The following TENM3 variants were observed in gnomAD, a reference collection of about 807,000 sequenced individuals.
The protein encoded by TENM3 is teneurin transmembrane protein 3.
TENM3 carries 63 observed loss-of-function variants against 255.1 expected under a neutral mutation model. That is an observed-to-expected ratio of 0.25 (90% CI 0.20 to 0.30). TENM3 has a LOEUF of 0.30. TENM3 is among the 10% of genes least tolerant of loss of function. The probability of loss-of-function intolerance (pLI) is 1.00; values close to 1 mark genes in which losing one functional copy is unlikely to be tolerated. For missense variants in TENM3, 2,929 were observed against 3,461.1 expected (o/e 0.85, Z 3.86); for synonymous variants, 1,306 against 1,322.3 (o/e 0.99, Z 0.27).
the TENM3 span, among the ~76,000 whole-genome samples, chr4:181,637,705 A>G: frequency 6.6e-6 from 1 of 152,324 alleles, no homozygotes. Context: ...AGAGGGACAC[A>G]GACATTGTCT....
the TENM3 span, among the ~76,000 whole-genome samples, chr4:182,011,969 C>T: frequency 6.6e-6 from 1 of 152,146 alleles, no homozygotes; most frequent in African/African-American, 2.4e-5. Context: ...TTCAAAGAGA[C>T]TTCATGGAGA....
chr4:182,242,003 C>CT (rs763045070), upstream of TENM3, among the ~76,000 whole-genome samples: 45,548 of 125,392 alleles, frequency 0.36, 10,766 homozygotes, highest in African/African-American at 0.61. Flanking sequence ...AATTTGCCTT[C>CT]TTTTTTTTTT....
intron 6 of TENM3, among the ~76,000 whole-genome samples, 154 bp from the exon 7 acceptor site, chr4:182,672,851 C>T (rs1755332434): frequency 6.6e-6 from 1 of 152,138 alleles, no homozygotes; most frequent in African/African-American, 2.4e-5. Flanking sequence ...ATAGTAGAAG[C>T]TTTTAAAGTG....
the TENM3 span, among the ~76,000 whole-genome samples, chr4:182,133,182 A>G: frequency 6.6e-6 from 1 of 152,246 alleles, no homozygotes; most frequent in Non-Finnish European, 1.5e-5. Context: ...CTTAAGTGTA[A>G]TCACAGTACT....
At chr4:181,620,850 T>C in the TENM3 span, among the ~76,000 whole-genome samples, 1 of 152,138 alleles carries the variant, frequency 6.6e-6, no homozygotes, top group African/African-American at 2.4e-5. Flanking sequence ...ATCCTAACTA[T>C]TTTACTGATT....
At chr4:182,068,525 A>G in the TENM3 span, among the ~76,000 whole-genome samples, 2 of 152,142 alleles carry the variant, frequency 1.3e-5, no homozygotes, top group Non-Finnish European at 2.9e-5. Context: ...CATTATAGCA[A>G]TTAAACTGTC....
At chr4:181,908,912 C>T in the TENM3 span, among the ~76,000 whole-genome samples, 3 of 152,088 alleles carry the variant, frequency 2.0e-5, no homozygotes, top group Non-Finnish European at 2.9e-5. Flanking sequence ...GAAGTGCAAG[C>T]GAGGTGTAGA....
intron 11 of TENM3, among the ~76,000 whole-genome samples, chr4:182,683,717 A>G (rs182832560): frequency 2.4e-4 from 37 of 152,264 alleles, no homozygotes; most frequent in African/African-American, 7.9e-4. Context: ...TAAGACAATG[A>G]GAGTATTGTT....
intron 1 of TENM3, among the ~76,000 whole-genome samples, chr4:182,219,096 C>T (rs1166033886): frequency 1.3e-5 from 2 of 152,122 alleles, no homozygotes; most frequent in Non-Finnish European, 2.9e-5. Context: ...GTGGCGGGCA[C>T]CTGTAGTCTC....
the TENM3 span, among the ~76,000 whole-genome samples, chr4:181,748,656 T>TA: frequency 2.0e-5 from 3 of 151,992 alleles, no homozygotes; most frequent in African/African-American, 4.8e-5. Flanking sequence ...CCTGTGTATA[T>TA]AAAAAAAGTA....
intron 1 of TENM3, among the ~76,000 whole-genome samples, chr4:182,252,605 A>T (rs1758091000): frequency 6.6e-6 from 1 of 152,078 alleles, no homozygotes; most frequent in African/African-American, 2.4e-5. Context: ...TTTTTTCCAG[A>T]TCACTGTTAC....
chr4:182,225,428 C>A (rs1473426291), intron 1 of TENM3, among the ~76,000 whole-genome samples: 2 of 152,068 alleles, frequency 1.3e-5, no homozygotes, highest in African/African-American at 2.4e-5. Context: ...TGAAGTGGCC[C>A]CGATGTTTGC....
intron 18 of TENM3, among the ~76,000 whole-genome samples, chr4:182,740,520 A>C (rs12648546): frequency 0.65 from 98,531 of 151,492 alleles, 32,418 homozygotes; most frequent in East Asian, 0.79. Context: ...AAACCCTCTA[A>C]AAACAAAACT....
intron 5 of TENM3, among the ~76,000 whole-genome samples, chr4:182,629,880 C>T (rs1043221333): frequency 2.6e-5 from 4 of 152,128 alleles, no homozygotes; most frequent in African/African-American, 7.2e-5. Flanking sequence ...GTGAAATAAC[C>T]ATTTTGTGTC....
At chr4:181,784,345 G>A in the TENM3 span, among the ~76,000 whole-genome samples, 3 of 151,536 alleles carry the variant, frequency 2.0e-5, no homozygotes, top group African/African-American at 4.8e-5. Context: ...TACTCTCCTC[G>A]ATATGCTATA....
At chr4:182,291,847 C>G (rs1056582405) in intron 1 of TENM3, among the ~76,000 whole-genome samples, 4 of 152,050 alleles carry the variant, frequency 2.6e-5, no homozygotes, top group East Asian at 1.9e-4. Flanking sequence ...TGTCTCCAGG[C>G]GCTCTAGGGT....
the TENM3 span, among the ~76,000 whole-genome samples, chr4:181,956,699 A>G: frequency 6.6e-6 from 1 of 152,236 alleles, no homozygotes; most frequent in East Asian, 1.9e-4. Context: ...TCGGATTCCC[A>G]AGGCTAAAAA....
the TENM3 span, among the ~76,000 whole-genome samples, chr4:181,824,660 T>G: frequency 6.6e-6 from 1 of 152,000 alleles, no homozygotes; most frequent in Admixed American, 6.5e-5. Context: ...AGACTTAATA[T>G]TCAAAGCACC....
At chr4:181,511,258 A>C in the TENM3 span, among the ~76,000 whole-genome samples, 2 of 152,212 alleles carry the variant, frequency 1.3e-5, no homozygotes, top group Non-Finnish European at 2.9e-5. Flanking sequence ...CATGCAATTT[A>C]TACCAAACCT....
Sources: gnomAD v4.1 joint callset for allele counts (sites outside exome capture counted in the v4.1 genomes callset) on GRCh38, gnomAD v4.1.1 for gene constraint, MANE v1.5 for transcripts, NCBI Gene and HGNC (gene_info 2026-07-23, HGNC 2026-07-21) for gene names.